PLCG2: variants seen among roughly 807,000 people sequenced by gnomAD.
PLCG2 encodes 1-phosphatidylinositol 4,5-bisphosphate phosphodiesterase gamma-2.
Under a neutral mutation model 175.6 loss-of-function variants are expected in PLCG2, and 69 were observed. The ratio of observed to expected loss-of-function variants is 0.39; its 90% CI spans 0.32 to 0.48. The LOEUF is 0.48. Among genes scored for constraint, PLCG2 ranks in the 20% least tolerant of loss-of-function variants. The pLI is 0.91. For missense variants in PLCG2, 1,798 were observed against 1,650.9 expected (o/e 1.09, Z -1.54); for synonymous variants, 827 against 624.0 (o/e 1.33, Z -4.85).
intron 19 of PLCG2, among the ~76,000 whole-genome samples, chr16:81,913,449 G>A (rs1909716625): frequency 6.6e-6 from 1 of 152,204 alleles, no homozygotes; most frequent in Admixed American, 6.5e-5. Context: ...GAGGTTAAGT[G>A]ACCTGCCTGG....
Position 81,959,071 on chromosome 16 carries a change from T to G in PLCG2, c.*1073T>G. 4.5e-6 allele frequency: 1 copy of G among 223,378 alleles called. No individual in the cohort carries two copies. The highest frequency in any genetic ancestry group is 8.9e-6 in the Non-Finnish European group (1 of 111,846). 13.8% of individuals were successfully genotyped at this position (223,378 alleles called of 1,614,324 possible). A position where few individuals can be genotyped will look rare whatever the true frequency, so the allele number is the denominator to read the frequency against. ...CTCTGCATCTTAAGTTGTTAATACATACCAATAATGTAATATGGCTTTTTA... is the reference window on the plus strand; with the variant it reads ...CTCTGCATCTTAAGTTGTTAATACAGACCAATAATGTAATATGGCTTTTTA... On this transcript the variant is annotated 3_prime_UTR_variant, in exon 33 of 33. Transcript: ENST00000564138.
chr16:81,959,811 A>G lies in PLCG2; in HGVS notation c.*1813A>G, dbSNP rs534166372. 5.4e-6 allele frequency: 1 copy of G among 185,224 alleles called. No homozygotes were observed. The highest frequency in any genetic ancestry group is 8.8e-5 in the East Asian group (1 of 11,426). The allele number at this position is 185,224 out of a possible 1,614,324, so 11.5% of individuals were successfully genotyped here. A position where few individuals can be genotyped will look rare whatever the true frequency, so the allele number is the denominator to read the frequency against. ...TTTATTGCACCTGGCATCTCCCCCA[A>G]CCCCTCTCAGCTCTGTTAGGACTTC... On this transcript the variant is annotated 3_prime_UTR_variant, in exon 33 of 33. Transcript: ENST00000564138.
intron 18 of PLCG2, 75 bp downstream of exon 18, chr16:81,910,795 G>T (rs1909588846): frequency 2.9e-6 from 4 of 1,378,734 alleles, no homozygotes; most frequent in South Asian, 1.2e-5. Context: ...CTGGCCTGGT[G>T]GTTCAGCCGG....
At chr16:81,797,294 T>C (rs2143227346) in intron 2 of PLCG2, among the ~76,000 whole-genome samples, 2 of 152,016 alleles carry the variant, frequency 1.3e-5, no homozygotes. Flanking sequence ...AAAAAAAAAA[T>C]TATCTCCACT....
At chr16:81,857,203 T>C (rs150415193) in intron 3 of PLCG2, among the ~76,000 whole-genome samples, 3 of 152,198 alleles carry the variant, frequency 2.0e-5, no homozygotes, top group Non-Finnish European at 2.9e-5. Context: ...GTCATCCCTC[T>C]CTTCTGGTTT....
At chr16:81,923,359 CTT>C in intron 21 of PLCG2, 124 bp from the exon 22 acceptor site, 1 of 612,572 alleles carries the variant, frequency 1.6e-6, no homozygotes. Flanking sequence ...CAGCAGATGA[CTT>C]TGTAACCTTG....
At chr16:81,779,194 C>G (rs1163049142), upstream of PLCG2, 1 of 151,872 alleles carries the variant, frequency 6.6e-6, no homozygotes, top group Non-Finnish European at 1.5e-5. Context: ...GAGGCGGACC[C>G]GGCTGGGCGC....
In PLCG2 at chr16:81,900,714, G is replaced by C. The variant is rs1284209416; in HGVS notation, c.1296G>C (p.Lys432Asn). The change falls in exon 14 of 33, where the codon AAG (lysine) becomes AAC (asparagine). Residue 432 changes from lysine (K) to asparagine (N), a missense_variant. Transcript: ENST00000564138. ...TATTTGGCGACCTGCTGTTGACGAA[G>C]CCCACGGAGGCCAGTGCTGACCAGC... ...KEVFGDLLLT[K>N]PTEASADQLP... The C allele has an allele frequency of 6.2e-7, 1 of 1,613,290 alleles. No homozygotes were observed. The highest frequency in any genetic ancestry group is 8.5e-7 in the Non-Finnish European group (1 of 1,179,388).
chr16:81,883,388 T>G (rs1339381162), intron 9 of PLCG2, 47 bp downstream of exon 9: 3 of 1,486,106 alleles, frequency 2.0e-6, no homozygotes. Context: ...GGCGGGATGC[T>G]GCTGGGGACT....
chr16:81,838,511 A>G (rs1905643158), intron 2 of PLCG2, among the ~76,000 whole-genome samples: 1 of 152,192 alleles, frequency 6.6e-6, no homozygotes, highest in South Asian at 2.1e-4. Context: ...ACACAGGAAC[A>G]GAAAACCAAA....
intron 18 of PLCG2, among the ~76,000 whole-genome samples, chr16:81,911,751 T>C (rs961517773): frequency 4.7e-5 from 7 of 149,916 alleles, no homozygotes; most frequent in African/African-American, 7.4e-5. Context: ...GCTGGTATTA[T>C]AGGCGCACGC....
chr16:81,885,699 G>T (rs577243025), intron 9 of PLCG2, among the ~76,000 whole-genome samples: 15 of 152,012 alleles, frequency 9.9e-5, no homozygotes, highest in Non-Finnish European at 1.8e-4. Flanking sequence ...AATGCCATCC[G>T]ATACCCAGCC....
intron 2 of PLCG2, among the ~76,000 whole-genome samples, chr16:81,796,501 G>T (rs898296890): frequency 1.3e-5 from 2 of 152,270 alleles, no homozygotes; most frequent in African/African-American, 4.8e-5. Flanking sequence ...CTCCCGGGCT[G>T]TGGGCAGTGG....
At chr16:81,906,575 C>T (rs912607474) in intron 15 of PLCG2, among the ~76,000 whole-genome samples, 1 of 152,162 alleles carries the variant, frequency 6.6e-6, no homozygotes, top group African/African-American at 2.4e-5. Context: ...AGATGTGCAC[C>T]ACCATGCCCT....
intron 1 of PLCG2, among the ~76,000 whole-genome samples, chr16:81,748,701 C>G (rs1298198913): frequency 6.6e-6 from 1 of 152,032 alleles, no homozygotes; most frequent in Non-Finnish European, 1.5e-5. Flanking sequence ...TCAGAAAACC[C>G]CAGACTCGGA....
chr16:81,907,639 T>A, intron 15 of PLCG2, 46 bp from the exon 16 acceptor site: 2 of 1,379,150 alleles, frequency 1.5e-6, no homozygotes, highest in Non-Finnish European at 2.1e-6. Context: ...CCACAGTTGA[T>A]GAGGTAGAGG....
At chr16:81,821,667 G>C (rs543894821) in intron 2 of PLCG2, among the ~76,000 whole-genome samples, 53 of 152,268 alleles carry the variant, frequency 3.5e-4, no homozygotes, top group African/African-American at 1.2e-3. Context: ...AGTGGCCTCT[G>C]TAGAAAAAAA....
In PLCG2 at chr16:81,907,766, G is replaced by C; in HGVS notation, c.1549G>C (p.Val517Leu). The C allele has an allele frequency of 2.5e-6, 4 of 1,612,890 alleles. No homozygotes were observed. Among genetic ancestry groups the C allele is most frequent in the Non-Finnish European group, 3.4e-6 (4 of 1,179,184 alleles). Residue 517 changes from valine (V) to leucine (L), a missense_variant, in exon 16 of 33, where the codon GTG becomes CTG. By Grantham distance (32) the Val-to-Leu change is conservative (BLOSUM62 1). Coordinates refer to ENST00000564138, the MANE Select transcript of PLCG2 (RefSeq NM_002661.5). Reference protein sequence around the residue: ...DDIEQTMEEEVPQDIPPTELH... With the variant: ...DDIEQTMEEELPQDIPPTELH... ...CATTGAACAGACTATGGAGGAGGAA[G>C]TGCCCCAGGTAGGGGGACACCCTAG...
chr16:81,807,259 A>G (rs1019501500), intron 2 of PLCG2, among the ~76,000 whole-genome samples: 1 of 151,852 alleles, frequency 6.6e-6, no homozygotes, highest in Admixed American at 6.6e-5. Context: ...CAGCTCTGGG[A>G]CCCAAGAAAG....
Sources: gnomAD v4.1 joint callset for allele counts (sites outside exome capture counted in the v4.1 genomes callset) on GRCh38, gnomAD v4.1.1 for gene constraint, MANE v1.5 for transcripts, NCBI Gene and HGNC (gene_info 2026-07-23, HGNC 2026-07-21) for gene names.